Variants in PACS2 observed in about 807,000 individuals in gnomAD.
PACS2 encodes the protein PACS1-like protein.
A neutral mutation model predicts 113.0 loss-of-function variants in PACS2; 36 were observed. That is an observed-to-expected ratio of 0.32 (90% confidence interval 0.24 to 0.42). PACS2 has a LOEUF of 0.42. PACS2 is among the 10% of genes least tolerant of loss of function. PACS2 has a pLI of 1.00. For synonymous variants in PACS2, 589 were observed against 536.1 expected, an observed-to-expected ratio of 1.10 and a Z score of -1.36; for missense variants, 1,015 against 1,239.5, an observed-to-expected ratio of 0.82 and a Z score of 2.72.
chr14:105,341,320 T>G (rs1413215666), intron 1 of PACS2, among the ~76,000 whole-genome samples: 1 of 152,210 alleles, frequency 6.6e-6, no homozygotes, highest in Non-Finnish European at 1.5e-5. Context: ...TTCACCTATT[T>G]CGAGCAGACA....
At chr14:105,385,196 T>C (rs2081133193) in intron 18 of PACS2, among the ~76,000 whole-genome samples, 1 of 152,212 alleles carries the variant, frequency 6.6e-6, no homozygotes. Flanking sequence ...AAGCGCCATT[T>C]CCGCACCTGT....
chr14:105,378,076 G>T (rs1010615912), intron 9 of PACS2, among the ~76,000 whole-genome samples: 3 of 152,184 alleles, frequency 2.0e-5, no homozygotes, highest in Admixed American at 1.3e-4. Context: ...AACCAGCAAG[G>T]CCCAGTGAAG....
intron 1 of PACS2, among the ~76,000 whole-genome samples, chr14:105,319,915 A>G (rs1381700496): frequency 6.6e-6 from 1 of 152,140 alleles, no homozygotes; most frequent in Non-Finnish European, 1.5e-5. Context: ...TACTTTCATT[A>G]AGAGGATTAT....
chr14:105,342,932 T>TA (rs1180529928), intron 1 of PACS2, among the ~76,000 whole-genome samples: 2,005 of 126,654 alleles, frequency 0.016, 18 homozygotes, highest in African/African-American at 0.024. Context: ...GACTCTGTCT[T>TA]AAAAAAAAAA....
intron 2 of PACS2, among the ~76,000 whole-genome samples, chr14:105,350,083 T>TTCCG (rs1555403608): frequency 2.2e-5 from 3 of 136,918 alleles, no homozygotes; most frequent in African/African-American, 8.0e-5. Flanking sequence ...GATAGCAGGA[T>TTCCG]GGAAGCGTCT....
intron 1 of PACS2, among the ~76,000 whole-genome samples, chr14:105,321,112 C>CA (rs1248563194): frequency 1.3e-5 from 2 of 152,066 alleles, no homozygotes; most frequent in African/African-American, 4.8e-5. Flanking sequence ...CAGATGGCGC[C>CA]ACTGCAAAAA....
At chr14:105,344,196 C>T (rs1188106792) in intron 1 of PACS2, among the ~76,000 whole-genome samples, 2 of 151,320 alleles carry the variant, frequency 1.3e-5, no homozygotes, top group African/African-American at 4.9e-5. Context: ...GGATTACAGG[C>T]ATGAGCCACC....
At chr14:105,333,434 C>T (rs924095219) in intron 1 of PACS2, among the ~76,000 whole-genome samples, 2 of 152,236 alleles carry the variant, frequency 1.3e-5, no homozygotes, top group Admixed American at 1.3e-4. Flanking sequence ...GACAGACCCT[C>T]CTGGAAGCCA....
At chr14:105,331,629 A>G (rs1040231826) in intron 1 of PACS2, among the ~76,000 whole-genome samples, 13 of 152,200 alleles carry the variant, frequency 8.5e-5, no homozygotes, top group African/African-American at 3.1e-4. Flanking sequence ...TAGTCCTTTT[A>G]ACTGTTACTG....
chr14:105,363,765 C>T (rs1555407228), intron 4 of PACS2, among the ~76,000 whole-genome samples: 1 of 152,176 alleles, frequency 6.6e-6, no homozygotes, highest in Non-Finnish European at 1.5e-5. Context: ...CTCGCCCTCA[C>T]CCTGTCTCGG....
intron 9 of PACS2, 108 bp from the exon 10 acceptor site, chr14:105,379,631 C>T (rs918058418): frequency 1.3e-5 from 11 of 868,668 alleles, no homozygotes; most frequent in Admixed American, 3.7e-5. Flanking sequence ...TCTGCTCTGC[C>T]GTTGGATTCT....
At chr14:105,364,904 C>G (rs1365833621) in intron 4 of PACS2, among the ~76,000 whole-genome samples, 2 of 152,062 alleles carry the variant, frequency 1.3e-5, no homozygotes, top group Non-Finnish European at 2.9e-5. Flanking sequence ...CGCCATGTTG[C>G]CCAGGCTGGT....
intron 19 of PACS2, among the ~76,000 whole-genome samples, chr14:105,388,263 C>T (rs1038774688): frequency 2.0e-5 from 3 of 152,326 alleles, no homozygotes; most frequent in African/African-American, 7.2e-5. Context: ...TCTTGCCAGC[C>T]GCCGTCTCCT....
chr14:105,385,099 C>G, intron 18 of PACS2, 112 bp downstream of exon 18: 1 of 729,942 alleles, frequency 1.4e-6, no homozygotes, highest in South Asian at 1.6e-5. Context: ...AGCCCTGCAC[C>G]GGGCTTAGAC....
At chr14:105,367,143 G>A (rs1232665476) in intron 4 of PACS2, 70 bp from the exon 5 acceptor site, 14 of 1,436,362 alleles carry the variant, frequency 9.7e-6, no homozygotes, top group Non-Finnish European at 1.3e-5. Flanking sequence ...AGAAACCCCA[G>A]CCCACACATC....
At chr14:105,338,368 T>C (rs781882076) in intron 1 of PACS2, among the ~76,000 whole-genome samples, 2 of 152,184 alleles carry the variant, frequency 1.3e-5, no homozygotes, top group Non-Finnish European at 2.9e-5. Context: ...TGCTGGGATA[T>C]GGTGCCTTCC....
chr14:105,355,412 G>A lies in PACS2; in HGVS notation c.423+235G>A, dbSNP rs782456234. On this transcript the variant is annotated intron_variant, in intron 4 of 24. Coordinates refer to ENST00000447393, the MANE Select transcript of PACS2 (RefSeq NM_001100913.3). This position sits in a 1 kb window ranked among gnomAD's most constrained non-coding sequence, Gnocchi z 4.1. ...CATGGCTCCCCGCATGCCTGCAGCC[G>A]CGCGCACTCCCCTCTAACGAGCCTG... 4.6e-5 allele frequency among the ~76,000 whole-genome samples: 7 copies of A among 152,248 alleles called. No homozygotes were observed. The highest frequency in any genetic ancestry group is 7.3e-5 in the Non-Finnish European group (5 of 68,044).
intron 19 of PACS2, among the ~76,000 whole-genome samples, chr14:105,386,057 G>A (rs78185734): frequency 3.3e-5 from 5 of 152,268 alleles, no homozygotes; most frequent in East Asian, 1.9e-4. Flanking sequence ...GCCTTTCCCC[G>A]GCTCTGTTTT....
chr14:105,358,493 G>A lies in PACS2; in HGVS notation c.423+3316G>A, dbSNP rs1555405741. 6.6e-6 allele frequency among the ~76,000 whole-genome samples: 1 copy of A among 152,206 alleles called. No individual in the cohort carries two copies. The highest frequency in any genetic ancestry group is 2.4e-5 in the African/African-American group (1 of 41,454). On this transcript the variant is annotated intron_variant, in intron 4 of 24. Coordinates refer to ENST00000447393, the MANE Select transcript of PACS2 (RefSeq NM_001100913.3). This position sits in a 1 kb window ranked among gnomAD's most constrained non-coding sequence, Gnocchi z 4.9. ...TCACCCCAGCACCCGTAGAGGGAGT[G>A]TGTAGGGGTGGGCGTTCGTGTGGCC... is the stretch of plus-strand genomic sequence containing the variant.
Sources: allele counts gnomAD v4.1 joint callset (sites outside exome capture counted in the v4.1 genomes callset), GRCh38; gene constraint gnomAD v4.1.1; non-coding constraint Gnocchi (gnomAD v3.1); transcripts MANE v1.5; gene names NCBI Gene and HGNC (gene_info 2026-07-23, HGNC 2026-07-21).